Variants in DTNA observed in about 807,000 individuals in gnomAD.
DTNA encodes dystrophin-related protein 3.
DTNA carries 43 observed loss-of-function variants against 100.7 expected under a neutral mutation model. That is an observed-to-expected ratio of 0.43 (90% CI 0.33 to 0.55). The LOEUF (loss-of-function observed/expected upper bound fraction) is 0.55. Among genes scored for constraint, DTNA ranks in the 20% least tolerant of loss-of-function variants. The pLI is 0.04. For missense variants in DTNA, 798 were observed against 953.9 expected (o/e 0.84, Z 2.15); for synonymous variants, 349 against 347.9 (o/e 1.00, Z -0.04).
intron 1 of DTNA, among the ~76,000 whole-genome samples, chr18:34,715,265 C>T (rs977915574): frequency 2.0e-5 from 3 of 151,966 alleles, no homozygotes; most frequent in African/African-American, 7.2e-5. Flanking sequence ...ATGTGTGGGT[C>T]AGTATCTGAC....
chr18:34,594,269 ACTT>A (rs1010056614), intron 1 of DTNA, among the ~76,000 whole-genome samples: 44 of 152,240 alleles, frequency 2.9e-4, no homozygotes, highest in South Asian at 1.9e-3. Flanking sequence ...AGGACTTCAA[ACTT>A]CTTCTTGAAA....
intron 3 of DTNA, among the ~76,000 whole-genome samples, chr18:34,782,278 T>G (rs1445200844): frequency 6.6e-6 from 1 of 152,110 alleles, no homozygotes; most frequent in Admixed American, 6.5e-5. Flanking sequence ...AGTTCTGTGG[T>G]TTTTAAGTTT....
chr18:34,539,004 A>G (rs574463584), intron 1 of DTNA, among the ~76,000 whole-genome samples: 1 of 152,164 alleles, frequency 6.6e-6, no homozygotes, highest in Admixed American at 6.6e-5. Flanking sequence ...ACAAAAGGGA[A>G]ATTTTATTAA....
chr18:34,620,807 C>T (rs1031463206), intron 1 of DTNA, among the ~76,000 whole-genome samples: 3 of 152,264 alleles, frequency 2.0e-5, no homozygotes, highest in Admixed American at 2.0e-4. Context: ...CACCAGGCCT[C>T]ACCTCCAGCA....
At chr18:34,812,824 A>T (rs1029074535) in intron 6 of DTNA, among the ~76,000 whole-genome samples, 1 of 152,172 alleles carries the variant, frequency 6.6e-6, no homozygotes, top group Non-Finnish European at 1.5e-5. Context: ...CCTCATGTGA[A>T]ATATATGCTT....
At chr18:34,503,492 G>A (rs2040164380) in intron 1 of DTNA, among the ~76,000 whole-genome samples, 2 of 151,592 alleles carry the variant, frequency 1.3e-5, no homozygotes, top group African/African-American at 4.8e-5. Context: ...TTCCACCTTA[G>A]CCAGGATGGT....
chr18:34,846,613 G>C (rs967470759), intron 13 of DTNA, among the ~76,000 whole-genome samples: 3 of 152,006 alleles, frequency 2.0e-5, no homozygotes, highest in Admixed American at 6.6e-5. Flanking sequence ...TATGCAAGGG[G>C]TGTAGGCTAG....
At chr18:34,560,272 T>C (rs896860152) in intron 1 of DTNA, among the ~76,000 whole-genome samples, 22 of 152,244 alleles carry the variant, frequency 1.4e-4, no homozygotes, top group African/African-American at 5.3e-4. Flanking sequence ...ATTTTCCTTA[T>C]ATTCACAATA....
At chr18:34,823,800 T>C (rs1233003698) in intron 9 of DTNA, among the ~76,000 whole-genome samples, 2 of 152,166 alleles carry the variant, frequency 1.3e-5, no homozygotes, top group East Asian at 3.9e-4. Context: ...CCAGTCCACA[T>C]CAGTTACACC....
intron 1 of DTNA, among the ~76,000 whole-genome samples, chr18:34,505,651 A>AT (rs546370546): frequency 2.8e-4 from 43 of 151,332 alleles, no homozygotes; most frequent in African/African-American, 9.7e-4. Flanking sequence ...TATTTTGGGT[A>AT]TTTTTTTCAA....
At chr18:34,862,577 G>T (rs1053275087) in intron 16 of DTNA, among the ~76,000 whole-genome samples, 5 of 152,032 alleles carry the variant, frequency 3.3e-5, no homozygotes, top group African/African-American at 1.2e-4. Context: ...GGCAGGAGGA[G>T]CTCTTGTAGC....
rs1441128450 is a variant in DTNA at position 34,888,100 on chromosome 18, C to T, written c.*366C>T. ...AGCAAACAAACACAGGCTGAAAACC[C>T]ATGCTGCTGTTATACACAATGGCAG... On this transcript the variant is annotated 3_prime_UTR_variant, in exon 23 of 23. Coordinates refer to ENST00000444659, the MANE Select transcript of DTNA (RefSeq NM_001386795.1). 15 of 985,736 alleles carry T rather than the reference C, an allele frequency of 1.5e-5. No individual in the cohort carries two copies. Among genetic ancestry groups the T allele is most frequent in the Non-Finnish European group, 1.7e-5 (14 of 829,942 alleles). 61.1% of individuals were successfully genotyped at this position (985,736 alleles called of 1,614,324 possible).
At chr18:34,548,477 C>T (rs867952511) in intron 1 of DTNA, among the ~76,000 whole-genome samples, 2 of 152,058 alleles carry the variant, frequency 1.3e-5, no homozygotes, top group Non-Finnish European at 2.9e-5. Context: ...TGATAATTAA[C>T]ATTTTATAAG....
At chr18:34,598,217 CTTT>C (rs71159880) in intron 1 of DTNA, among the ~76,000 whole-genome samples, 7 of 137,968 alleles carry the variant, frequency 5.1e-5, no homozygotes, top group African/African-American at 7.9e-5. Context: ...TTCTTTCTTT[CTTT>C]TTTTTTTTTT....
chr18:34,531,714 T>G (rs1164533931), intron 1 of DTNA, among the ~76,000 whole-genome samples: 1 of 152,154 alleles, frequency 6.6e-6, no homozygotes, highest in East Asian at 1.9e-4. Context: ...TTAAATTCAT[T>G]TATTATTCTC....
At chr18:34,713,113 A>G (rs913082245) in intron 1 of DTNA, among the ~76,000 whole-genome samples, 1 of 152,104 alleles carries the variant, frequency 6.6e-6, no homozygotes, top group Admixed American at 6.5e-5. Context: ...TTAGAAATCT[A>G]AGACTTTTCA....
At chr18:34,753,378 TTTTTATTTTTTA>T (rs1568413004) in intron 1 of DTNA, among the ~76,000 whole-genome samples, 7 of 96,642 alleles carry the variant, frequency 7.2e-5, no homozygotes, top group African/African-American at 3.0e-4. Flanking sequence ...TTTTTTTTTT[TTTTTATTTTTTA>T]TTTTTTTTTT....
chr18:34,781,958 A>T (rs1377381073), intron 3 of DTNA, among the ~76,000 whole-genome samples: 1 of 152,198 alleles, frequency 6.6e-6, no homozygotes, highest in Admixed American at 6.5e-5. Context: ...TGCCAGCCCT[A>T]TCGGTGCTCT....
At chr18:34,520,934 C>T (rs2042094584) in intron 1 of DTNA, among the ~76,000 whole-genome samples, 1 of 152,136 alleles carries the variant, frequency 6.6e-6, no homozygotes, top group South Asian at 2.1e-4. Flanking sequence ...CCTAAAGTAA[C>T]ATCTTAGAGG....
Sources: allele counts gnomAD v4.1 joint callset (sites outside exome capture counted in the v4.1 genomes callset), GRCh38; gene constraint gnomAD v4.1.1; transcripts MANE v1.5; gene names NCBI Gene and HGNC (gene_info 2026-07-23, HGNC 2026-07-21).